ANK3: variants seen among roughly 807,000 people sequenced by gnomAD.
ANK3 encodes the protein ankyrin 3, also known as ankyrin-3.
A neutral mutation model predicts 370.9 loss-of-function variants in ANK3; 57 were observed. The observed-to-expected ratio is 0.15, with a 90% CI of 0.12 to 0.19. ANK3 has a LOEUF of 0.19. Ranked by LOEUF, ANK3 falls within the 10% of genes least tolerant of loss-of-function variation. The pLI is 1.00. For missense variants in ANK3, 4,439 were observed against 5,302.1 expected, an observed-to-expected ratio of 0.84 and a Z score of 5.06; for synonymous variants, 1,929 against 1,946.3, an observed-to-expected ratio of 0.99 and a Z score of 0.23.
At chr10:60,235,220 G>T (rs2097310211) in intron 7 of ANK3, among the ~76,000 whole-genome samples, 1 of 152,198 alleles carries the variant, frequency 6.6e-6, no homozygotes, top group South Asian at 2.1e-4. Context: ...TCCAGTGGGA[G>T]CATCAGGTTG....
intron 2 of ANK3, among the ~76,000 whole-genome samples, chr10:60,516,539 T>C (rs1251286400): frequency 6.6e-6 from 1 of 152,124 alleles, no homozygotes; most frequent in Non-Finnish European, 1.5e-5. Context: ...TGTAGCAACT[T>C]ACTCCTGTAG....
intron 16 of ANK3, among the ~76,000 whole-genome samples, chr10:60,187,451 G>A (rs1265564665): frequency 2.0e-5 from 3 of 152,138 alleles, no homozygotes; most frequent in Middle Eastern, 6.8e-3. Context: ...CACTGCGCCC[G>A]GCTTAATATG....
intron 2 of ANK3, among the ~76,000 whole-genome samples, chr10:60,593,656 G>A (rs2077947386): frequency 6.6e-6 from 1 of 152,088 alleles, no homozygotes; most frequent in Non-Finnish European, 1.5e-5. Flanking sequence ...AAGGCTAGGA[G>A]GCCAAATGTG....
At chr10:60,309,886 A>G (rs946930581) in intron 1 of ANK3, among the ~76,000 whole-genome samples, 1 of 151,378 alleles carries the variant, frequency 6.6e-6, no homozygotes, top group Non-Finnish European at 1.5e-5. Flanking sequence ...TATCAGGCAT[A>G]TATCAGTGAA....
intron 1 of ANK3, among the ~76,000 whole-genome samples, chr10:60,693,021 G>C (rs1343364543): frequency 6.6e-6 from 1 of 152,246 alleles, no homozygotes; most frequent in African/African-American, 2.4e-5. Flanking sequence ...GTGCCAGACA[G>C]TGGGCGCAGG....
chr10:60,489,565 A>G (rs2075439350), intron 2 of ANK3, among the ~76,000 whole-genome samples: 1 of 152,216 alleles, frequency 6.6e-6, no homozygotes, highest in South Asian at 2.1e-4. Context: ...GTTTTTCTGT[A>G]AACATAAACA....
At chr10:60,367,360 A>G (rs2059528742) in intron 1 of ANK3, among the ~76,000 whole-genome samples, 1 of 152,250 alleles carries the variant, frequency 6.6e-6, no homozygotes, top group Non-Finnish European at 1.5e-5. Flanking sequence ...AAAGAGGATT[A>G]GAATTTACAA....
chr10:60,420,457 T>C (rs1472367143), intron 2 of ANK3, among the ~76,000 whole-genome samples: 1 of 152,072 alleles, frequency 6.6e-6, no homozygotes, highest in Non-Finnish European at 1.5e-5. Context: ...CCCAGGCCTT[T>C]TGGCACAGTC....
At chr10:60,537,031 G>T (rs1163774584) in intron 2 of ANK3, among the ~76,000 whole-genome samples, 1 of 151,946 alleles carries the variant, frequency 6.6e-6, no homozygotes, top group Non-Finnish European at 1.5e-5. Context: ...GCCAGAAATT[G>T]CTACTGTTGA....
chr10:60,453,763 G>C (rs1052597837), intron 2 of ANK3, among the ~76,000 whole-genome samples: 5 of 151,798 alleles, frequency 3.3e-5, no homozygotes, highest in Non-Finnish European at 5.9e-5. Flanking sequence ...CACACACACA[G>C]AGTGTGTGTT....
intron 42 of ANK3, chr10:60,053,544 A>T: frequency 1.6e-6 from 1 of 624,552 alleles, no homozygotes. Flanking sequence ...GAAGAATCTC[A>T]GGCTCAGGAT....
At chr10:60,728,744 T>A (rs2079978486) in intron 1 of ANK3, among the ~76,000 whole-genome samples, 1 of 152,200 alleles carries the variant, frequency 6.6e-6, no homozygotes. Flanking sequence ...CTCTTGGTTT[T>A]ACTACCATTG....
At chr10:60,226,465 ACATAG>A (rs2097146616) in intron 8 of ANK3, among the ~76,000 whole-genome samples, 1 of 113,070 alleles carries the variant, frequency 8.8e-6, no homozygotes, top group South Asian at 2.5e-4. Context: ...TAGTATATAT[ACATAG>A]TATATATACT....
chr10:60,418,395 G>T (rs1299691933), intron 2 of ANK3, among the ~76,000 whole-genome samples: 1 of 151,998 alleles, frequency 6.6e-6, no homozygotes, highest in Non-Finnish European at 1.5e-5. Flanking sequence ...TCCAGCAAAA[G>T]CCTTCCCTAA....
At chr10:60,601,725 T>A (rs1201644773) in intron 2 of ANK3, among the ~76,000 whole-genome samples, 1 of 152,116 alleles carries the variant, frequency 6.6e-6, no homozygotes, top group Non-Finnish European at 1.5e-5. Flanking sequence ...TAAAATATAA[T>A]GTGGTACTGA....
At chr10:60,245,707 T>G (rs1041667758) in intron 7 of ANK3, among the ~76,000 whole-genome samples, 1 of 152,230 alleles carries the variant, frequency 6.6e-6, no homozygotes, top group African/African-American at 2.4e-5. Flanking sequence ...GCCAAGTTTT[T>G]AAATTCCTTA....
chr10:60,160,551 G>A (rs2095472229), intron 23 of ANK3, among the ~76,000 whole-genome samples: 1 of 152,016 alleles, frequency 6.6e-6, no homozygotes, highest in Admixed American at 6.6e-5. Context: ...CTCATTCTAT[G>A]AGGCCAGTGT....
chr10:60,226,540 A>T (rs1302642983), intron 8 of ANK3, among the ~76,000 whole-genome samples: 1 of 83,226 alleles, frequency 1.2e-5, no homozygotes, highest in Admixed American at 1.4e-4. Flanking sequence ...ATATATACAT[A>T]GTATATATAC....
chr10:60,707,026 T>C (rs1240126239), intron 1 of ANK3, among the ~76,000 whole-genome samples: 8 of 152,204 alleles, frequency 5.3e-5, no homozygotes, highest in Admixed American at 2.6e-4. Context: ...TATAAATGTA[T>C]GTTTATATGT....
Sources: gnomAD v4.1 joint callset for allele counts (sites outside exome capture counted in the v4.1 genomes callset) on GRCh38, gnomAD v4.1.1 for gene constraint, MANE v1.5 for transcripts, NCBI Gene and HGNC (gene_info 2026-07-23, HGNC 2026-07-21) for gene names.